The following CUX2 variants were observed in gnomAD, a reference collection of about 807,000 sequenced individuals.
CUX2 encodes homeobox protein cut-like 2.
Under a neutral mutation model 144.8 loss-of-function variants are expected in CUX2, and 40 were observed. The observed-to-expected ratio is 0.28, with a 90% CI of 0.21 to 0.36. The LOEUF is 0.36. CUX2 is among the 10% of genes least tolerant of loss of function. CUX2 has a pLI of 1.00. For missense variants in CUX2, 1,615 were observed against 1,994.0 expected (o/e 0.81, Z 3.62); for synonymous variants, 827 against 875.6 (o/e 0.94, Z 0.98).
chr12:111,096,743 C>T (rs1279794162), intron 1 of CUX2, among the ~76,000 whole-genome samples: 1 of 152,030 alleles, frequency 6.6e-6, no homozygotes, highest in Admixed American at 6.6e-5. Context: ...TTTGGGAGGC[C>T]GAGGCAGGTG....
chr12:111,257,576 C>G (rs995198862), intron 3 of CUX2, among the ~76,000 whole-genome samples: 2 of 116,374 alleles, frequency 1.7e-5, no homozygotes, highest in Non-Finnish European at 3.6e-5. Flanking sequence ...TCCTCCTCCT[C>G]CTCTTTCCTC....
chr12:111,285,352 G>A, intron 4 of CUX2, among the ~76,000 whole-genome samples: 1 of 152,174 alleles, frequency 6.6e-6, no homozygotes. Context: ...AATTCCCAGG[G>A]CAGAGCATCT....
At chr12:111,053,751 T>C (rs538789783) in intron 1 of CUX2, among the ~76,000 whole-genome samples, 2 of 152,360 alleles carry the variant, frequency 1.3e-5, no homozygotes, top group Admixed American at 1.3e-4. Context: ...CAGTTCCTTG[T>C]TGGTCTCCCG....
intron 1 of CUX2, among the ~76,000 whole-genome samples, chr12:111,097,350 G>GT: frequency 6.6e-6 from 1 of 152,318 alleles, no homozygotes; most frequent in African/African-American, 2.4e-5. Flanking sequence ...TTTGGGAAGT[G>GT]TTTTGGGAAA....
chr12:111,227,146 A>G (rs1882193009), intron 3 of CUX2, among the ~76,000 whole-genome samples: 1 of 152,196 alleles, frequency 6.6e-6, no homozygotes, highest in Non-Finnish European at 1.5e-5. Flanking sequence ...ACTAGGTGCC[A>G]GGTGTGGCGC....
intron 1 of CUX2, among the ~76,000 whole-genome samples, chr12:111,174,192 G>T (rs1228931286): frequency 3.3e-5 from 5 of 152,206 alleles, no homozygotes. Context: ...GAAATGCCCT[G>T]TCTGGCTGCC....
chr12:111,246,842 G>A lies in CUX2; in HGVS notation c.223-16919G>A, dbSNP rs141448236. 6.6e-6 allele frequency among the ~76,000 whole-genome samples: 1 copy of A among 152,070 alleles called. No individual in the cohort carries two copies. Among genetic ancestry groups the A allele is most frequent in the Non-Finnish European group, 1.5e-5 (1 of 68,032 alleles). On this transcript the variant is annotated intron_variant, in intron 3 of 21. Transcript: ENST00000261726. This position sits in a 1 kb window ranked among gnomAD's most constrained non-coding sequence, Gnocchi z 4.0. ...AGCCCTCCTAGCTGTGCCCTGCAGG[G>A]TACATGACTCCGTCCTTGACTGTCC...
At chr12:111,220,937 T>TAAAAAA (rs1162004039) in intron 3 of CUX2, among the ~76,000 whole-genome samples, 4 of 92,098 alleles carry the variant, frequency 4.3e-5, no homozygotes, top group African/African-American at 1.7e-4. Context: ...CCTGGTCTCT[T>TAAAAAA]AAAAAAAAAA....
At chr12:111,309,971 C>T in intron 14 of CUX2, 70 bp from the exon 15 acceptor site, 1 of 1,244,644 alleles carries the variant, frequency 8.0e-7, no homozygotes, top group Non-Finnish European at 1.0e-6. Context: ...TTCTTTTTCT[C>T]CCTGTCTCTC....
chr12:111,082,006 C>T (rs1479110182), intron 1 of CUX2, among the ~76,000 whole-genome samples: 1 of 152,120 alleles, frequency 6.6e-6, no homozygotes, highest in Admixed American at 6.5e-5. Context: ...GACACAGATG[C>T]CTGTTTTGCT....
intron 1 of CUX2, among the ~76,000 whole-genome samples, chr12:111,158,094 A>G (rs750534592): frequency 5.9e-5 from 9 of 152,202 alleles, no homozygotes; most frequent in Non-Finnish European, 1.0e-4. Flanking sequence ...GAAAAGAGGC[A>G]AGGCAGGAGG....
At chr12:111,146,360 A>G (rs913023408) in intron 1 of CUX2, among the ~76,000 whole-genome samples, 20 of 151,888 alleles carry the variant, frequency 1.3e-4, no homozygotes, top group African/African-American at 4.4e-4. Flanking sequence ...CTTTCCCCCA[A>G]CGTTCCTGGT....
chr12:111,152,805 A>G (rs1232383589), intron 1 of CUX2, among the ~76,000 whole-genome samples: 1 of 152,196 alleles, frequency 6.6e-6, no homozygotes, highest in Non-Finnish European at 1.5e-5. Context: ...AGGAGGTGTT[A>G]GCTTCCCATC....
At chr12:111,064,497 G>A (rs1003904718) in intron 1 of CUX2, among the ~76,000 whole-genome samples, 6 of 152,214 alleles carry the variant, frequency 3.9e-5, no homozygotes, top group Non-Finnish European at 8.8e-5. Flanking sequence ...AGAAGGCCTG[G>A]ATTTGAGTCT....
chr12:111,064,912 C>A (rs1870958402), intron 1 of CUX2, among the ~76,000 whole-genome samples: 1 of 152,208 alleles, frequency 6.6e-6, no homozygotes, highest in African/African-American at 2.4e-5. Flanking sequence ...TAAATATCAT[C>A]CTCATAATTC....
chr12:111,112,671 G>A (rs1255330798), intron 1 of CUX2, among the ~76,000 whole-genome samples: 6 of 152,258 alleles, frequency 3.9e-5, no homozygotes, highest in East Asian at 1.9e-4. Flanking sequence ...TTAGGTAGCC[G>A]TACTCTGTCC....
rs541959299 is a variant in CUX2 at position 111,258,834 on chromosome 12, C to T, written c.223-4927C>T. 6.6e-5 allele frequency among the ~76,000 whole-genome samples: 10 copies of T among 152,250 alleles called. No homozygotes were observed. In the South Asian group the frequency reaches 2.1e-3, roughly 32 times the overall value. ...CTGAGTAGCTAGGACTGCAGGGGTG[C>T]ACCACCACACCTGACTAATTTTTTC... On this transcript the variant is annotated intron_variant, in intron 3 of 21. Transcript: ENST00000261726.
At chr12:111,131,466 C>G (rs1413516102) in intron 1 of CUX2, among the ~76,000 whole-genome samples, 3 of 152,254 alleles carry the variant, frequency 2.0e-5, no homozygotes, top group South Asian at 4.2e-4. Flanking sequence ...ACCAATCATG[C>G]CTTCCCAACA....
intron 3 of CUX2, among the ~76,000 whole-genome samples, chr12:111,248,784 A>G (rs1883410184): frequency 1.3e-5 from 2 of 152,320 alleles, no homozygotes; most frequent in South Asian, 4.1e-4. Flanking sequence ...CGATGGAAAC[A>G]TGGGCCCAGG....
Sources: allele counts gnomAD v4.1 joint callset (sites outside exome capture counted in the v4.1 genomes callset), GRCh38; gene constraint gnomAD v4.1.1; non-coding constraint Gnocchi (gnomAD v3.1); transcripts MANE v1.5; gene names NCBI Gene and HGNC (gene_info 2026-07-23, HGNC 2026-07-21).